The following RAB27B variants were observed in gnomAD, a reference collection of about 807,000 sequenced individuals.
RAB27B encodes RAB27B, member RAS oncogene family.
Under a neutral mutation model 24.6 loss-of-function variants are expected in RAB27B, and 15 were observed. That is an observed-to-expected ratio of 0.61 (90% confidence interval 0.41 to 0.94). The LOEUF is 0.94. RAB27B is among the 40% of genes least tolerant of loss of function. RAB27B has a pLI of 0.00. For synonymous variants in RAB27B, 105 were observed against 92.5 expected (o/e 1.14, Z -0.78); for missense variants, 261 against 266.8 (o/e 0.98, Z 0.15).
Position 54,877,702 on chromosome 18 carries a change from C to T in RAB27B, c.117C>T (p.Ile39=), listed in dbSNP as rs763942874. ...ATAATAAATTCAATCCCAAATTCAT[C>T]ACTACAGTAGGAATAGACTTTCGGG... is the stretch of plus-strand genomic sequence containing the variant. ...YTDNKFNPKF[I]TTVGIDFREK... The change falls in exon 2 of 6, where the codon ATC becomes ATT. Residue 39 remains isoleucine, a synonymous_variant. Transcript: ENST00000262094. The T allele has an allele frequency of 1.9e-6, 3 of 1,595,016 alleles. No homozygotes were observed. The South Asian group carries it at 3.5e-5, about 18-fold the overall frequency.
At chr18:54,787,767 A>G (rs558983368) in intron 2 of RAB27B, among the ~76,000 whole-genome samples, 1 of 151,770 alleles carries the variant, frequency 6.6e-6, no homozygotes, top group Non-Finnish European at 1.5e-5. Flanking sequence ...GCCAATCACT[A>G]GTGAGATGGT....
chr18:54,858,091 C>G (rs560298769), intron 1 of RAB27B, among the ~76,000 whole-genome samples: 4 of 152,124 alleles, frequency 2.6e-5, no homozygotes, highest in Admixed American at 6.5e-5. Context: ...AGCCTGTATT[C>G]GTCATCGTGT....
chr18:54,731,885 G>A (rs1032769904), intron 2 of RAB27B, among the ~76,000 whole-genome samples: 12 of 152,148 alleles, frequency 7.9e-5, no homozygotes, highest in African/African-American at 2.9e-4. Flanking sequence ...TTAGGACATA[G>A]AAATTTGTAT....
At chr18:54,843,398 GA>G (rs1488688112) in intron 1 of RAB27B, among the ~76,000 whole-genome samples, 1 of 151,752 alleles carries the variant, frequency 6.6e-6, no homozygotes, top group Non-Finnish European at 1.5e-5. Flanking sequence ...TCTATATTAA[GA>G]AGATGCTTCT....
intron 1 of RAB27B, among the ~76,000 whole-genome samples, chr18:54,844,529 C>A (rs1416809915): frequency 6.6e-6 from 1 of 151,758 alleles, no homozygotes; most frequent in Admixed American, 6.6e-5. Context: ...ACCTCACCCT[C>A]CCGAGTAGCT....
At chr18:54,884,250 C>T (rs894638789) in intron 3 of RAB27B, 83 bp from the exon 4 acceptor site, 24 of 833,966 alleles carry the variant, frequency 2.9e-5, no homozygotes, top group Non-Finnish European at 4.2e-5. Flanking sequence ...AGAATTCATA[C>T]CTGAAAGGGA....
At chr18:54,787,304 G>A (rs1057464880) in intron 2 of RAB27B, among the ~76,000 whole-genome samples, 4 of 152,194 alleles carry the variant, frequency 2.6e-5, no homozygotes, top group African/African-American at 9.6e-5. Context: ...CGTGCCCACT[G>A]TTGATTCTGG....
rs991860438 is a variant in RAB27B at position 54,728,767 on chromosome 18, T to C, written c.-20+10626T>C. Among the ~76,000 whole-genome samples, 22 of 150,600 alleles carry C rather than the reference T, an allele frequency of 1.5e-4. No homozygotes were observed. The East Asian group carries it at 3.3e-3, about 23-fold the overall frequency. On this transcript the variant is annotated intron_variant, in intron 2 of 4. Coordinates refer to the RAB27B transcript ENST00000586570. Reference sequence around the variant, plus strand: ...GGTGCACACCTGTAATCCCAGCTACTTGAGAGTCTTAGGCAGGAGAATTGC... The same window carrying C: ...GGTGCACACCTGTAATCCCAGCTACCTGAGAGTCTTAGGCAGGAGAATTGC...
At chr18:54,770,248 G>C (rs1908500002) in intron 2 of RAB27B, among the ~76,000 whole-genome samples, 2 of 152,164 alleles carry the variant, frequency 1.3e-5, no homozygotes, top group South Asian at 4.1e-4. Context: ...ATAGCAGGAG[G>C]TGAGTGGAGG....
intron 2 of RAB27B, among the ~76,000 whole-genome samples, chr18:54,822,681 ATTTTTAT>A (rs1910348221): frequency 6.6e-6 from 1 of 152,120 alleles, no homozygotes; most frequent in Non-Finnish European, 1.5e-5. Flanking sequence ...CTTAGTTCTT[ATTTTTAT>A]AACTTTTCTT....
chr18:54,857,573 A>G (rs1911835186), intron 1 of RAB27B, among the ~76,000 whole-genome samples: 1 of 152,240 alleles, frequency 6.6e-6, no homozygotes, highest in South Asian at 2.1e-4. Context: ...ATCTTCTGAC[A>G]TGATCAGGTT....
chr18:54,848,194 T>C (rs1346332313), intron 1 of RAB27B, among the ~76,000 whole-genome samples: 2 of 152,230 alleles, frequency 1.3e-5, no homozygotes. Flanking sequence ...GAGAAACCTT[T>C]AGGCTGAACT....
At chr18:54,765,717 C>G (rs73960606) in intron 2 of RAB27B, among the ~76,000 whole-genome samples, 8,486 of 152,212 alleles carry the variant, frequency 0.056, 303 homozygotes, top group Admixed American at 0.085. Flanking sequence ...CTCCTTCTTC[C>G]TTTCCTTTCC....
intron 2 of RAB27B, among the ~76,000 whole-genome samples, chr18:54,746,904 A>G (rs1018313261): frequency 1.3e-5 from 2 of 152,204 alleles, no homozygotes; most frequent in South Asian, 2.1e-4. Context: ...ACTAACTTAT[A>G]TAACACAAAC....
At chr18:54,718,164 T>C (rs1044614264) in intron 2 of RAB27B, 2 of 152,148 alleles carry the variant, frequency 1.3e-5, no homozygotes, top group African/African-American at 4.8e-5. Context: ...GTCACAGATC[T>C]CTAATGTGTT....
chr18:54,821,645 G>A (rs1910314087), intron 2 of RAB27B, among the ~76,000 whole-genome samples: 1 of 152,200 alleles, frequency 6.6e-6, no homozygotes. Context: ...CACGCCACCT[G>A]ACTTCAAATT....
In RAB27B at chr18:54,783,048, C is replaced by T. The variant is rs574797485; in HGVS notation, c.-20+64907C>T. On this transcript the variant is annotated intron_variant, in intron 2 of 4. Coordinates refer to the RAB27B transcript ENST00000586570. ...TCTCAGCTCACCACAACCTCCACTT[C>T]CTGGGTTCAAACGATTCTTCCGCCT... is the stretch of plus-strand genomic sequence containing the variant. Among the ~76,000 whole-genome samples, 16 of 152,148 alleles carry T rather than the reference C, an allele frequency of 1.1e-4. No homozygotes were observed. The South Asian group carries it at 3.3e-3, about 32-fold the overall frequency.
At position 54,849,483 on chromosome 18, in the gene RAB27B, C is replaced by T. The variant is rs115176184; in HGVS notation, c.-20+20783C>T. Among the ~76,000 whole-genome samples, 1,514 of 152,202 alleles carry T rather than the reference C, an allele frequency of 9.9e-3. 23 individuals are homozygous for T. Among genetic ancestry groups the T allele is most frequent in the African/African-American group, 0.035 (1,437 of 41,498 alleles). ...CTGTAATCCCAGCGCTTTGGGAGGC[C>T]GAGGGAGCGTGGATCACTTGAGGTG... is the stretch of plus-strand genomic sequence containing the variant. On this transcript the variant is annotated intron_variant, in intron 1 of 5. Transcript: ENST00000262094.
rs918080250 is a variant in RAB27B, at chr18:54,737,455, T to C, written c.-20+19314T>C. 2.6e-5 allele frequency among the ~76,000 whole-genome samples: 4 copies of C among 152,212 alleles called. No individual in the cohort carries two copies. In the East Asian group the frequency reaches 7.7e-4, roughly 29 times the overall value. ...AGTTTTATATTAGCTAATGAGTAGA[T>C]TGATCAAAATTTAATTTTGAAGTTT... On this transcript the variant is annotated intron_variant, in intron 2 of 4. Transcript: ENST00000586570.
Sources: allele counts gnomAD v4.1 joint callset (sites outside exome capture counted in the v4.1 genomes callset), GRCh38; gene constraint gnomAD v4.1.1; transcripts MANE v1.5; gene names NCBI Gene and HGNC (gene_info 2026-07-23, HGNC 2026-07-21).